DIP2C: variants seen among roughly 807,000 people sequenced by gnomAD.
DIP2C encodes disco-interacting protein 2 homolog C.
A neutral mutation model predicts 192.4 loss-of-function variants in DIP2C; 33 were observed. That is an observed-to-expected ratio of 0.17 (90% CI 0.13 to 0.23). The LOEUF is 0.23. DIP2C is among the 10% of genes least tolerant of loss of function. The probability of loss-of-function intolerance (pLI) is 1.00; values close to 1 mark genes in which losing one functional copy is unlikely to be tolerated. For missense variants in DIP2C, 1,537 were observed against 2,110.1 expected (o/e 0.73, Z 5.32); for synonymous variants, 979 against 864.1 (o/e 1.13, Z -2.33).
At chr10:481,054 G>C (rs533471528) in intron 2 of DIP2C, among the ~76,000 whole-genome samples, 2 of 151,976 alleles carry the variant, frequency 1.3e-5, no homozygotes, top group African/African-American at 4.8e-5. Flanking sequence ...GTGAGGAGGC[G>C]GTCCCTCCCC....
intron 32 of DIP2C, among the ~76,000 whole-genome samples, chr10:290,887 G>A (rs1210784612): frequency 2.0e-5 from 3 of 152,236 alleles, no homozygotes; most frequent in Admixed American, 2.0e-4. Flanking sequence ...GTCGCTGGCC[G>A]GAATCAGATG....
intron 7 of DIP2C, among the ~76,000 whole-genome samples, chr10:414,739 G>GTGTGTGTATGTATA: frequency 1.1e-5 from 1 of 90,510 alleles, no homozygotes; most frequent in African/African-American, 4.5e-5. Context: ...GTGTGTGTGT[G>GTGTGTGTATGTATA]TACATATATA....
chr10:459,398 G>A (rs768748708), intron 3 of DIP2C, among the ~76,000 whole-genome samples: 7 of 152,176 alleles, frequency 4.6e-5, no homozygotes, highest in Non-Finnish European at 1.0e-4. Context: ...ACATTCTACT[G>A]CAAAGGAGGG....
In DIP2C at chr10:390,768, G is replaced by A; in HGVS notation, c.1356C>T (p.Ser452=). Residue 452 remains serine (S), a synonymous_variant, in exon 11 of 37, where the codon AGC becomes AGT. Coordinates refer to ENST00000280886, the MANE Select transcript of DIP2C (RefSeq NM_014974.3). ...TAAACTGTGGGATCTCTCCCGTTGG[G>A]CTTTTTGGAAGTCCTTTATGGCAGG... The part of the protein sequence containing the change: ...SDACHKGLPK[S]PTGEIPQFKG... The A allele has an allele frequency of 1.2e-6, 2 of 1,614,158 alleles. No individual in the cohort carries two copies. The highest frequency in any genetic ancestry group is 1.3e-5 in the African/African-American group (1 of 75,048).
In DIP2C at chr10:649,167, A is replaced by G. The variant is rs577999542; in HGVS notation, c.85+40327T>C. Among the ~76,000 whole-genome samples the G allele has an allele frequency of 1.5e-4, 22 of 150,528 alleles. 1 individual carries two copies. Among genetic ancestry groups the G allele is most frequent in the Admixed American group, 1.3e-3 (20 of 15,132 alleles). ...CACAGTGGACGGTGGGCGAGAACAGAGGGAAACTGAGTCCACGTCCACATT... is the reference window on the plus strand; with the variant it reads ...CACAGTGGACGGTGGGCGAGAACAGGGGGAAACTGAGTCCACGTCCACATT... On this transcript the variant is annotated intron_variant, in intron 1 of 36. Transcript: ENST00000280886.
At chr10:340,452 T>G (rs1299872610) in intron 29 of DIP2C, among the ~76,000 whole-genome samples, 2 of 152,160 alleles carry the variant, frequency 1.3e-5, no homozygotes, top group African/African-American at 4.8e-5. Flanking sequence ...CTGGACATGC[T>G]CTATGCTTAC....
intron 4 of DIP2C, among the ~76,000 whole-genome samples, chr10:439,510 G>GA (rs1967555978): frequency 6.6e-6 from 1 of 152,196 alleles, no homozygotes; most frequent in Admixed American, 6.5e-5. Flanking sequence ...CCAGGTGCTT[G>GA]AGAGGCTGAA....
At chr10:624,652 C>T (rs1854084160) in intron 1 of DIP2C, among the ~76,000 whole-genome samples, 2 of 152,170 alleles carry the variant, frequency 1.3e-5, no homozygotes, top group Non-Finnish European at 2.9e-5. Context: ...AGGAGGCGAG[C>T]GTCGGTCTTG....
intron 3 of DIP2C, among the ~76,000 whole-genome samples, chr10:462,412 TA>T (rs1330370389): frequency 6.6e-6 from 1 of 152,178 alleles, no homozygotes; most frequent in African/African-American, 2.4e-5. Flanking sequence ...GCAAATAAAC[TA>T]GAAAATCTAG....
chr10:594,353 G>T (rs947484993), intron 1 of DIP2C, among the ~76,000 whole-genome samples: 1 of 152,024 alleles, frequency 6.6e-6, no homozygotes, highest in Admixed American at 6.5e-5. Flanking sequence ...TGGCACGGCC[G>T]AGTACAAACC....
At chr10:683,974 G>A (rs964986149) in intron 1 of DIP2C, among the ~76,000 whole-genome samples, 7 of 152,250 alleles carry the variant, frequency 4.6e-5, no homozygotes, top group African/African-American at 1.4e-4. Context: ...GAACAGAGAC[G>A]CCGTCATGGC....
At chr10:346,340 C>T (rs1398179834) in intron 26 of DIP2C, among the ~76,000 whole-genome samples, 11 of 64,194 alleles carry the variant, frequency 1.7e-4, no homozygotes, top group Non-Finnish European at 1.5e-4. Context: ...ATAGTTCTCC[C>T]GGAAACCCCA....
At chr10:364,762 G>A (rs984549916) in intron 19 of DIP2C, among the ~76,000 whole-genome samples, 180 bp from the exon 20 acceptor site, 1 of 152,290 alleles carries the variant, frequency 6.6e-6, no homozygotes, top group Non-Finnish European at 1.5e-5. Flanking sequence ...AGGCAGAAAA[G>A]CACTTCCTGC....
At chr10:429,057 C>G (rs1157741053) in intron 4 of DIP2C, among the ~76,000 whole-genome samples, 1 of 152,120 alleles carries the variant, frequency 6.6e-6, no homozygotes, top group Non-Finnish European at 1.5e-5. Flanking sequence ...CATTATCACC[C>G]AAACTCCATC....
intron 2 of DIP2C, among the ~76,000 whole-genome samples, chr10:483,453 C>CA (rs1343437251): frequency 2.6e-5 from 4 of 152,234 alleles, no homozygotes; most frequent in Non-Finnish European, 4.4e-5. Flanking sequence ...GCAACGTCTC[C>CA]AAATGAAGGT....
chr10:375,217 CT>C (rs1301768845), intron 17 of DIP2C, among the ~76,000 whole-genome samples: 2 of 152,222 alleles, frequency 1.3e-5, no homozygotes, highest in African/African-American at 4.8e-5. Flanking sequence ...AGAGTTCTCA[CT>C]TTATGAGTTC....
In DIP2C at chr10:440,866, C is replaced by T. The variant is rs763132042; in HGVS notation, c.394+5G>A. ...GGAGGCCGTGTCGGGGAGCGTGTCC[C>T]TTACCTGGAGGGGTGTAGGCGTCCA... is the stretch of plus-strand genomic sequence containing the variant. On this transcript the variant is annotated splice_donor_5th_base_variant and intron_variant, in intron 4 of 36. Transcript: ENST00000280886. 3.1e-6 allele frequency: 5 copies of T among 1,611,262 alleles called. No individual in the cohort carries two copies. The African/African-American group carries it at 6.7e-5, about 22-fold the overall frequency.
chr10:292,692 G>A (rs1349159453), intron 32 of DIP2C, among the ~76,000 whole-genome samples: 6 of 152,338 alleles, frequency 3.9e-5, no homozygotes, highest in African/African-American at 4.8e-5. Flanking sequence ...GGCATCACAC[G>A]TCTGGCCTCC....
intron 10 of DIP2C, among the ~76,000 whole-genome samples, chr10:397,444 C>T (rs190733800): frequency 2.2e-3 from 327 of 151,770 alleles, no homozygotes; most frequent in Non-Finnish European, 3.8e-3. Flanking sequence ...GGAGGAGAAT[C>T]GCTTGAACCC....
Sources: allele counts gnomAD v4.1 joint callset (sites outside exome capture counted in the v4.1 genomes callset), GRCh38; gene constraint gnomAD v4.1.1; transcripts MANE v1.5; gene names NCBI Gene and HGNC (gene_info 2026-07-23, HGNC 2026-07-21).